The following ZNF326 variants were observed in gnomAD, a reference collection of about 807,000 sequenced individuals.
ZNF326 encodes zinc finger protein 326.
ZNF326 carries 30 observed loss-of-function variants against 63.1 expected under a neutral mutation model. The ratio of observed to expected loss-of-function variants is 0.48; its 90% CI spans 0.36 to 0.64. The LOEUF is 0.64. Among genes scored for constraint, ZNF326 ranks in the 30% least tolerant of loss-of-function variants. The pLI, the probability that ZNF326 is intolerant of heterozygous loss-of-function variation, is 0.00. For missense variants in ZNF326, 609 were observed against 720.3 expected, an observed-to-expected ratio of 0.85 and a Z score of 1.77; for synonymous variants, 194 against 228.2, an observed-to-expected ratio of 0.85 and a Z score of 1.35.
rs372861860 is a variant in ZNF326, at chr1:89,995,775, T to C, written c.16+502T>C. 9.3e-4 allele frequency among the ~76,000 whole-genome samples: 142 copies of C among 152,316 alleles called. 7 individuals are homozygous for C. In the South Asian group the frequency reaches 0.029, roughly 31 times the overall value. On this transcript the variant is annotated intron_variant, in intron 1 of 11. Coordinates refer to ENST00000340281, the MANE Select transcript of ZNF326 (RefSeq NM_182976.4). The stretch of plus-strand genomic sequence containing the variant: ...TCTGTTTGTCCCGGTTTAAGATGAG[T>C]TGAAAGGGTGTCTGTAAGTGATATG...
At chr1:90,019,001 A>C (rs886693737) in intron 9 of ZNF326, among the ~76,000 whole-genome samples, 1 of 152,152 alleles carries the variant, frequency 6.6e-6, no homozygotes, top group African/African-American at 2.4e-5. Flanking sequence ...GTTTGAGAGG[A>C]AAAGTTACCT....
At chr1:90,025,199 A>G (rs912095038) in intron 11 of ZNF326, among the ~76,000 whole-genome samples, 19 of 152,116 alleles carry the variant, frequency 1.2e-4, no homozygotes, top group African/African-American at 4.6e-4. Context: ...GAATGTGTTC[A>G]ATCACCCGTG....
intron 9 of ZNF326, among the ~76,000 whole-genome samples, chr1:90,019,554 T>G (rs1399859660): frequency 6.6e-6 from 1 of 152,154 alleles, no homozygotes; most frequent in Non-Finnish European, 1.5e-5. Context: ...CCTTTTGTCA[T>G]TTTTTAAGTC....
chr1:90,024,773 A>G (rs915887271), intron 11 of ZNF326, among the ~76,000 whole-genome samples: 1 of 151,862 alleles, frequency 6.6e-6, no homozygotes, highest in Non-Finnish European at 1.5e-5. Context: ...ACACCACCAC[A>G]CTCAGCCACT....
At chr1:90,009,418 A>C (rs990382654) in intron 5 of ZNF326, among the ~76,000 whole-genome samples, 3 of 152,158 alleles carry the variant, frequency 2.0e-5, no homozygotes, top group Admixed American at 1.3e-4. Flanking sequence ...GTTTGGTTGC[A>C]TGACTCTTCA....
chr1:90,030,799 G>C lies in ZNF326; in HGVS notation c.*3098G>C, dbSNP rs1483639052. On this transcript the variant is annotated 3_prime_UTR_variant, in exon 12 of 12. Transcript: ENST00000340281. ...TCCCGCCTTAGCCTCCCAAGTAGCTGGGACCACAGACGTGCACCATCACAC... is the reference window on the plus strand; with the variant it reads ...TCCCGCCTTAGCCTCCCAAGTAGCTCGGACCACAGACGTGCACCATCACAC... 2 of 152,090 alleles carry C rather than the reference G, an allele frequency of 1.3e-5. No homozygotes were observed. Among genetic ancestry groups the C allele is most frequent in the Non-Finnish European group, 2.9e-5 (2 of 68,118 alleles). The allele number at this position is 152,090 out of a possible 1,614,324, so 9.4% of individuals were successfully genotyped here.
rs1458029131 is a variant in ZNF326, at chr1:90,030,967, G to A, written c.*3266G>A. 1 of 152,176 alleles carries A rather than the reference G, an allele frequency of 6.6e-6. No homozygotes were observed. 9.4% of individuals were successfully genotyped at this position (152,176 alleles called of 1,614,324 possible). A position where few individuals can be genotyped will look rare whatever the true frequency, so the allele number is the denominator to read the frequency against. On this transcript the variant is annotated 3_prime_UTR_variant, in exon 12 of 12. Coordinates refer to ENST00000340281, the MANE Select transcript of ZNF326 (RefSeq NM_182976.4). ...ATGAGCCACCACGCCTATCCTGGAG[G>A]TGATATATTTTTAACAAATATCTCA... is the stretch of plus-strand genomic sequence containing the variant.
At chr1:89,997,931 A>C (rs1008501639) in intron 1 of ZNF326, among the ~76,000 whole-genome samples, 179 bp from the exon 2 acceptor site, 7 of 152,206 alleles carry the variant, frequency 4.6e-5, no homozygotes, top group African/African-American at 1.7e-4. Context: ...TGAAGAAAAA[A>C]GAGATACATT....
intron 7 of ZNF326, among the ~76,000 whole-genome samples, chr1:90,015,284 T>A (rs1437978215): frequency 6.6e-6 from 1 of 152,152 alleles, no homozygotes; most frequent in East Asian, 1.9e-4. Flanking sequence ...TAAGGGAACC[T>A]AGGGAGAAAG....
rs1650334000 is a variant in ZNF326 at position 90,032,883 on chromosome 1, G to A, written c.*5182G>A. On this transcript the variant is annotated 3_prime_UTR_variant, in exon 12 of 12. Transcript: ENST00000340281. The stretch of plus-strand genomic sequence containing the variant: ...TATAATGCAGAGCATACAAATAGGG[G>A]CCATCGAAGTGTGGCAATGCCCTAG... 4 of 152,232 alleles carry A rather than the reference G, an allele frequency of 2.6e-5. No individual in the cohort carries two copies. The highest frequency in any genetic ancestry group is 2.0e-4 in the Admixed American group (3 of 15,278). 9.4% of individuals were successfully genotyped at this position (152,232 alleles called of 1,614,324 possible).
Position 90,007,531 on chromosome 1 carries a change from G to A in ZNF326, c.396G>A (p.Trp132Ter), listed in dbSNP as rs772388825. The change falls in exon 5 of 12, where the codon TGG (tryptophan) becomes TGA (stop). Residue 132 changes from tryptophan to a stop codon, truncating the protein, a stop_gained. Coordinates refer to ENST00000340281, the MANE Select transcript of ZNF326 (RefSeq NM_182976.4). LOFTEE classifies it high-confidence loss of function. The surrounding 1 kb of genome is among the most constrained non-coding windows in gnomAD (Gnocchi z 4.9). ...GTAGAAACCAGGGCGGGTCTAGCTG[G>A]GAAGCACCTTACTCCCGTTCAAAAT... ...FGGRNQGGSSWEAPYSRSKLR... is the reference protein window; with the variant it reads ...FGGRNQGGSS The A allele has an allele frequency of 6.2e-7, 1 of 1,614,028 alleles. No individual in the cohort carries two copies.
chr1:90,005,462 G>A, intron 4 of ZNF326: 1 of 1,270,238 alleles, frequency 7.9e-7, no homozygotes, highest in Non-Finnish European at 9.9e-7. Context: ...ACTATATCAT[G>A]TCAATATAAT....
At chr1:90,010,644 T>G (rs535443737) in intron 6 of ZNF326, among the ~76,000 whole-genome samples, 3 of 152,304 alleles carry the variant, frequency 2.0e-5, no homozygotes, top group Non-Finnish European at 1.5e-5. Flanking sequence ...CTAGAAGTCC[T>G]GTTCTTAAAC....
At chr1:90,017,710 T>C (rs891888595) in intron 8 of ZNF326, among the ~76,000 whole-genome samples, 4 of 152,232 alleles carry the variant, frequency 2.6e-5, no homozygotes, top group African/African-American at 4.8e-5. Context: ...AACAACTGTA[T>C]TGATGTGGAG....
At chr1:90,010,351 T>C in intron 6 of ZNF326, 65 bp downstream of exon 6, 2 of 1,526,964 alleles carry the variant, frequency 1.3e-6, no homozygotes, top group Non-Finnish European at 1.8e-6. Context: ...TCCATACTTT[T>C]TGGTAATTTT....
At chr1:90,010,864 A>G (rs1286453056) in intron 6 of ZNF326, among the ~76,000 whole-genome samples, 1 of 152,166 alleles carries the variant, frequency 6.6e-6, no homozygotes, top group African/African-American at 2.4e-5. Flanking sequence ...TTACTTTCTC[A>G]TCAGGCCTTA....
chr1:90,006,370 G>A (rs1648988110), intron 4 of ZNF326: 2 of 982,664 alleles, frequency 2.0e-6, no homozygotes. Flanking sequence ...ATGTGCATAA[G>A]CTATATCCGT....
Position 89,995,178 on chromosome 1 carries a change from G to T in ZNF326, c.-80G>T. The T allele has an allele frequency of 6.7e-7, 1 of 1,484,052 alleles. No individual in the cohort carries two copies. Among genetic ancestry groups the T allele is most frequent in the Non-Finnish European group, 9.0e-7 (1 of 1,108,032 alleles). The allele number at this position is 1,484,052 out of a possible 1,614,324, so 91.9% of individuals were successfully genotyped here. The stretch of plus-strand genomic sequence containing the variant: ...TCTCGGTCGCGCGGAGTGATCGTGT[G>T]GAATCGCGGGTCGCGGACGCTCGCC... On this transcript the variant is annotated 5_prime_UTR_variant, in exon 1 of 12. Coordinates refer to ENST00000340281, the MANE Select transcript of ZNF326 (RefSeq NM_182976.4).
chr1:90,003,577 T>C (rs560895896), intron 2 of ZNF326, among the ~76,000 whole-genome samples: 2 of 152,296 alleles, frequency 1.3e-5, no homozygotes, highest in African/African-American at 4.8e-5. Context: ...AGGATGACAC[T>C]CAGCTGAGAG....
Sources: gnomAD v4.1 joint callset for allele counts (sites outside exome capture counted in the v4.1 genomes callset) on GRCh38, gnomAD v4.1.1 for gene constraint, Gnocchi (gnomAD v3.1) non-coding constraint, MANE v1.5 for transcripts, NCBI Gene and HGNC (gene_info 2026-07-23, HGNC 2026-07-21) for gene names.